Variants in RELN observed in about 807,000 individuals in gnomAD.
RELN encodes reelin.
RELN carries 108 observed loss-of-function variants against 427.6 expected under a neutral mutation model. That is an observed-to-expected ratio of 0.25 (90% confidence interval 0.22 to 0.30). RELN has a LOEUF of 0.30. Among genes scored for constraint, RELN ranks in the 10% least tolerant of loss-of-function variants. The pLI, the probability that RELN is intolerant of heterozygous loss-of-function variation, is 1.00. For synonymous variants in RELN, 1,524 were observed against 1,513.4 expected (o/e 1.01, Z -0.16); for missense variants, 3,715 against 4,302.8 (o/e 0.86, Z 3.82).
chr7:103,533,959 T>A (rs1829996125), intron 46 of RELN, among the ~76,000 whole-genome samples: 1 of 152,198 alleles, frequency 6.6e-6, no homozygotes, highest in South Asian at 2.1e-4. Flanking sequence ...GGCAACACCT[T>A]TAATGAGCAA....
At chr7:103,656,054 A>T (rs1389901218) in intron 12 of RELN, among the ~76,000 whole-genome samples, 2 of 151,948 alleles carry the variant, frequency 1.3e-5, no homozygotes, top group Non-Finnish European at 2.9e-5. Flanking sequence ...GAATCTATAA[A>T]CCTGAGACCT....
chr7:103,973,106 T>C (rs1398000013), intron 1 of RELN, among the ~76,000 whole-genome samples: 1 of 152,166 alleles, frequency 6.6e-6, no homozygotes, highest in African/African-American at 2.4e-5. Flanking sequence ...GCCCTGAAGG[T>C]TTAAGTAAAG....
chr7:103,514,809 A>G (rs568834900), intron 50 of RELN, among the ~76,000 whole-genome samples: 45 of 152,308 alleles, frequency 3.0e-4, no homozygotes, highest in East Asian at 5.8e-4. Flanking sequence ...GCAAAACACA[A>G]TATTTGTCTT....
chr7:103,984,125 T>G (rs1194306703), intron 1 of RELN, among the ~76,000 whole-genome samples: 1 of 151,092 alleles, frequency 6.6e-6, no homozygotes, highest in Non-Finnish European at 1.5e-5. Context: ...TCTAGTTTAT[T>G]CTATAAAGTT....
At chr7:103,764,751 G>T (rs1196991109) in intron 4 of RELN, among the ~76,000 whole-genome samples, 2 of 150,158 alleles carry the variant, frequency 1.3e-5, no homozygotes, top group Admixed American at 1.3e-4. Context: ...TAGGAGAATT[G>T]CTTGAACCTG....
intron 3 of RELN, 130 bp downstream of exon 3, chr7:103,833,406 CA>C (rs1793322276): frequency 1.0e-6 from 1 of 958,888 alleles, no homozygotes; most frequent in African/African-American, 1.6e-5. Flanking sequence ...TTTTTGGCAA[CA>C]AAATTAGTGA....
At chr7:103,601,539 A>G (rs1300038669) in intron 24 of RELN, among the ~76,000 whole-genome samples, 1 of 152,200 alleles carries the variant, frequency 6.6e-6, no homozygotes, top group East Asian at 1.9e-4. Flanking sequence ...TACGTGTTAC[A>G]TGCTGTAAAG....
chr7:103,687,285 G>T (rs1277421748), intron 10 of RELN, among the ~76,000 whole-genome samples: 1 of 152,116 alleles, frequency 6.6e-6, no homozygotes, highest in Non-Finnish European at 1.5e-5. Context: ...AGTGTTGGAG[G>T]CTTTTAGACT....
chr7:103,717,603 AAACATATGTATTAT>A (rs1469657797), intron 8 of RELN, among the ~76,000 whole-genome samples: 79 of 152,176 alleles, frequency 5.2e-4, no homozygotes, highest in African/African-American at 1.9e-3. Flanking sequence ...TAACCTTATA[AAACATATGTATTAT>A]TTTTGCCATT....
chr7:103,477,259 T>C (rs1828069713), intron 64 of RELN, among the ~76,000 whole-genome samples: 1 of 152,230 alleles, frequency 6.6e-6, no homozygotes, highest in Admixed American at 6.5e-5. Flanking sequence ...TGTTACTCTT[T>C]AAAGGAGACA....
chr7:103,968,121 T>C lies in RELN; in HGVS notation c.226+21010A>G, dbSNP rs1796694128. Among the ~76,000 whole-genome samples the C allele has an allele frequency of 6.6e-6, 1 of 151,654 alleles. No homozygotes were observed. The highest frequency in any genetic ancestry group is 1.9e-4 in the East Asian group (1 of 5,184). On this transcript the variant is annotated intron_variant, in intron 1 of 64. Transcript: ENST00000428762. This position sits in a 1 kb window ranked among gnomAD's most constrained non-coding sequence, Gnocchi z 4.3. The stretch of plus-strand genomic sequence containing the variant: ...CAGGAAAAACTCAACTTGTATTTCA[T>C]TGATCAAACAGAATACTTTCTACAA...
chr7:103,981,140 C>A (rs575262744), intron 1 of RELN, among the ~76,000 whole-genome samples: 1 of 152,260 alleles, frequency 6.6e-6, no homozygotes, highest in South Asian at 2.1e-4. Flanking sequence ...GAGGCTGAGC[C>A]AGATGTGACA....
rs538873299 is a variant in RELN at position 103,700,497 on chromosome 7, C to T, written c.902+413G>A. ...AGAACTGGAGATTAGATGTAAAAGG[C>T]CCTGTGGCTATTAACTCAATATCAT... On this transcript the variant is annotated intron_variant, in intron 9 of 64. Coordinates refer to ENST00000428762, the MANE Select transcript of RELN (RefSeq NM_005045.4). Among the ~76,000 whole-genome samples, 3 of 152,150 alleles carry T rather than the reference C, an allele frequency of 2.0e-5. No homozygotes were observed. The South Asian group carries it at 6.2e-4, about 32-fold the overall frequency.
chr7:103,775,281 C>T (rs79015075), intron 4 of RELN, among the ~76,000 whole-genome samples: 5,463 of 152,060 alleles, frequency 0.036, 366 homozygotes, highest in African/African-American at 0.13. Flanking sequence ...TCTGTGCTCT[C>T]AAAAGTCACA....
chr7:103,606,596 C>T (rs560004926), intron 22 of RELN, among the ~76,000 whole-genome samples: 1 of 152,272 alleles, frequency 6.6e-6, no homozygotes, highest in East Asian at 1.9e-4. Flanking sequence ...TTTACAGTTA[C>T]ATGCCTATAA....
chr7:103,580,153 T>C (rs529855185), intron 28 of RELN, among the ~76,000 whole-genome samples: 1 of 152,274 alleles, frequency 6.6e-6, no homozygotes, highest in Non-Finnish European at 1.5e-5. Flanking sequence ...ATTATAAGCA[T>C]GTTTGCCTCA....
chr7:103,694,673 T>G (rs1457171564), intron 10 of RELN, among the ~76,000 whole-genome samples: 4 of 152,090 alleles, frequency 2.6e-5, no homozygotes, highest in Non-Finnish European at 5.9e-5. Context: ...TGCTGTTAGA[T>G]GTACTCTTTG....
chr7:103,623,221 A>C (rs1039366925), intron 20 of RELN, among the ~76,000 whole-genome samples: 12 of 152,168 alleles, frequency 7.9e-5, no homozygotes, highest in African/African-American at 2.2e-4. Flanking sequence ...TTTACTGTGA[A>C]ATGGTCGCTG....
chr7:103,743,419 C>T (rs192208975), intron 6 of RELN, among the ~76,000 whole-genome samples: 1 of 152,242 alleles, frequency 6.6e-6, no homozygotes, highest in Admixed American at 6.5e-5. Context: ...ACAATATTAA[C>T]CTTAAATGTA....
Sources: gnomAD v4.1 joint callset for allele counts (sites outside exome capture counted in the v4.1 genomes callset) on GRCh38, gnomAD v4.1.1 for gene constraint, Gnocchi (gnomAD v3.1) non-coding constraint, MANE v1.5 for transcripts, NCBI Gene and HGNC (gene_info 2026-07-23, HGNC 2026-07-21) for gene names.